HHLA1: variants seen among roughly 807,000 people sequenced by gnomAD.
HHLA1 encodes HHLA1 neighbor of OC90.
In HHLA1, 72 loss-of-function variants were observed where a neutral mutation model predicts 69.9. The observed-to-expected ratio is 1.03, with a 90% CI of 0.85 to 1.25. The LOEUF (loss-of-function observed/expected upper bound fraction) is 1.25. Among genes scored for constraint, HHLA1 ranks in the 50% most tolerant of loss-of-function variants. The probability of loss-of-function intolerance (pLI) is 0.00; values close to 1 mark genes in which losing one functional copy is unlikely to be tolerated. For synonymous variants in HHLA1, 252 were observed against 233.2 expected, an observed-to-expected ratio of 1.08 and a Z score of -0.73; for missense variants, 685 against 642.2, an observed-to-expected ratio of 1.07 and a Z score of -0.72.
At chr8:132,100,026 T>G in intron 4 of HHLA1, 49 bp downstream of exon 4, 1 of 1,424,332 alleles carries the variant, frequency 7.0e-7, no homozygotes. Context: ...AGTGGAGGAA[T>G]TGCTCTGCAA....
At chr8:132,066,296 G>T (rs766092582) in intron 15 of HHLA1, among the ~76,000 whole-genome samples, 1 of 152,032 alleles carries the variant, frequency 6.6e-6, no homozygotes, top group Admixed American at 6.6e-5. Context: ...ACCTATACTC[G>T]CAGGTTATAT....
At chr8:132,093,541 A>G (rs1165093675) in intron 7 of HHLA1, among the ~76,000 whole-genome samples, 1 of 152,204 alleles carries the variant, frequency 6.6e-6, no homozygotes, top group African/African-American at 2.4e-5. Context: ...ACAGCCTCTC[A>G]TGGTAGCGCT....
intron 7 of HHLA1, among the ~76,000 whole-genome samples, chr8:132,093,127 G>A (rs1434716599): frequency 6.6e-6 from 1 of 152,170 alleles, no homozygotes. Context: ...GATATTAGCT[G>A]GGGTACATAG....
At chr8:132,096,551 G>A (rs1003739123) in intron 5 of HHLA1, among the ~76,000 whole-genome samples, 9 of 152,110 alleles carry the variant, frequency 5.9e-5, no homozygotes, top group African/African-American at 2.2e-4. Flanking sequence ...AAACAATCAG[G>A]TTTAGGAATA....
chr8:132,087,942 T>C (rs904754666), intron 8 of HHLA1, 41 bp from the exon 9 acceptor site: 2 of 1,427,104 alleles, frequency 1.4e-6, no homozygotes, highest in African/African-American at 2.8e-5. Flanking sequence ...TAGCCATGGG[T>C]CTGAAGCTGT....
At chr8:132,089,439 A>T in intron 8 of HHLA1, 77 bp downstream of exon 8, 1 of 794,660 alleles carries the variant, frequency 1.3e-6, no homozygotes. Context: ...TGGGGTGAGG[A>T]ACATAATATG....
chr8:132,108,817 C>T (rs985436264), intron 1 of HHLA1, among the ~76,000 whole-genome samples: 2 of 152,128 alleles, frequency 1.3e-5, no homozygotes, highest in African/African-American at 2.4e-5. Context: ...TGAGTGGGCA[C>T]ACAAACCTCA....
Position 132,099,116 on chromosome 8 carries a change from G to A in HHLA1, c.200-154C>T, listed in dbSNP as rs115485731. On this transcript the variant is annotated intron_variant, in intron 4 of 16. Coordinates refer to ENST00000414222, the MANE Select transcript of HHLA1 (RefSeq NM_001145095.3). The stretch of plus-strand genomic sequence containing the variant: ...CACGAGGGGTTCCAAGTTAAGTTAA[G>A]AGGAGGGTCTCGACCTCAGGAGGTA... Among the ~76,000 whole-genome samples the A allele has an allele frequency of 5.1e-3, 774 of 152,308 alleles. 11 individuals are homozygous for A. The highest frequency in any genetic ancestry group is 0.018 in the African/African-American group (743 of 41,584).
At chr8:132,084,735 C>T (rs900561607) in intron 10 of HHLA1, among the ~76,000 whole-genome samples, 5 of 149,974 alleles carry the variant, frequency 3.3e-5, no homozygotes, top group African/African-American at 1.2e-4. Flanking sequence ...AGGAGGCAAG[C>T]CTAGAGAAAA....
chr8:132,081,877 G>A (rs375819631), intron 10 of HHLA1, among the ~76,000 whole-genome samples: 5 of 152,146 alleles, frequency 3.3e-5, no homozygotes, highest in South Asian at 4.1e-4. Context: ...AGATTTCCAC[G>A]ATGGAAAGGA....
chr8:132,105,559 A>G (rs573664109), intron 1 of HHLA1, among the ~76,000 whole-genome samples: 80 of 152,312 alleles, frequency 5.3e-4, no homozygotes, highest in African/African-American at 1.9e-3. Context: ...ATGGAGTTCC[A>G]CTATCCTATA....
At chr8:132,083,989 G>A (rs1398014648) in intron 10 of HHLA1, among the ~76,000 whole-genome samples, 2 of 150,714 alleles carry the variant, frequency 1.3e-5, no homozygotes, top group African/African-American at 4.9e-5. Context: ...AGGGTCTAGG[G>A]CTATAAAGTG....
At chr8:132,075,249 G>A (rs1020196354) in intron 14 of HHLA1, among the ~76,000 whole-genome samples, 1 of 152,180 alleles carries the variant, frequency 6.6e-6, no homozygotes, top group African/African-American at 2.4e-5. Context: ...GTTTAATAAT[G>A]CCCTGTTGAC....
At position 132,063,979 on chromosome 8, in the gene HHLA1, T is replaced by G. The variant is rs1215581957; in HGVS notation, c.*16A>C. The G allele has an allele frequency of 7.7e-7, 1 of 1,291,404 alleles. No homozygotes were observed. Among genetic ancestry groups the G allele is most frequent in the African/African-American group, 1.5e-5 (1 of 65,714 alleles). 80.0% of individuals were successfully genotyped at this position (1,291,404 alleles called of 1,614,324 possible). A position where few individuals can be genotyped will look rare whatever the true frequency, so the allele number is the denominator to read the frequency against. On this transcript the variant is annotated 3_prime_UTR_variant, in exon 17 of 17. Coordinates refer to ENST00000414222, the MANE Select transcript of HHLA1 (RefSeq NM_001145095.3). ...CCCTGAAGTAATTGTTATGCCCTAG[T>G]GTTATTTTCAAGGCCTCACACAGAC...
chr8:132,082,447 T>C (rs1823771701), intron 10 of HHLA1, among the ~76,000 whole-genome samples: 1 of 151,646 alleles, frequency 6.6e-6, no homozygotes, highest in Non-Finnish European at 1.5e-5. Flanking sequence ...AAGAAAGGAG[T>C]TGTTGTTTTG....
chr8:132,093,527 G>A (rs115526381), intron 7 of HHLA1, among the ~76,000 whole-genome samples: 2,038 of 152,250 alleles, frequency 0.013, 52 homozygotes, highest in African/African-American at 0.046. Flanking sequence ...GTTGGCCTAC[G>A]TGTACAGCCT....
chr8:132,089,457 A>G (rs1823910535), intron 8 of HHLA1, 59 bp downstream of exon 8: 2 of 904,666 alleles, frequency 2.2e-6, no homozygotes, highest in South Asian at 2.8e-5. Context: ...ATGCTTCATT[A>G]TCTACCACAA....
At chr8:132,076,658 C>T in intron 12 of HHLA1, 115 bp from the exon 13 acceptor site, 1 of 548,048 alleles carries the variant, frequency 1.8e-6, no homozygotes. Flanking sequence ...AAGCCAGGTA[C>T]CAGGCAGGGC....
At chr8:132,110,455 C>T (rs1210299228) in intron 1 of HHLA1, among the ~76,000 whole-genome samples, 3 of 152,184 alleles carry the variant, frequency 2.0e-5, no homozygotes, top group African/African-American at 7.2e-5. Context: ...TTAAAAAATA[C>T]CTAATGACAG....
Sources: gnomAD v4.1 joint callset for allele counts (sites outside exome capture counted in the v4.1 genomes callset) on GRCh38, gnomAD v4.1.1 for gene constraint, MANE v1.5 for transcripts, NCBI Gene and HGNC (gene_info 2026-07-23, HGNC 2026-07-21) for gene names.